PTPRD: variants seen among roughly 807,000 people sequenced by gnomAD.
PTPRD encodes protein tyrosine phosphatase receptor type D.
Under a neutral mutation model 214.5 loss-of-function variants are expected in PTPRD, and 34 were observed. The ratio of observed to expected loss-of-function variants is 0.16; its 90% CI spans 0.12 to 0.21. The LOEUF (loss-of-function observed/expected upper bound fraction) is 0.21. PTPRD is among the 10% of genes least tolerant of loss of function. PTPRD has a pLI of 1.00. For missense variants in PTPRD, 2,545 were observed against 2,398.7 expected (o/e 1.06, Z -1.27); for synonymous variants, 1,128 against 845.7 (o/e 1.33, Z -5.79).
At chr9:9,076,434 C>G (rs1242099759) in intron 10 of PTPRD, among the ~76,000 whole-genome samples, 1 of 151,800 alleles carries the variant, frequency 6.6e-6, no homozygotes, top group East Asian at 1.9e-4. Flanking sequence ...TAACCGTCCC[C>G]TTTGCTCCCC....
intron 7 of PTPRD, among the ~76,000 whole-genome samples, chr9:9,585,742 C>A (rs993141615): frequency 1.3e-5 from 2 of 152,084 alleles, no homozygotes; most frequent in African/African-American, 4.8e-5. Flanking sequence ...GATGTGAATA[C>A]GTAGGTACTA....
At chr9:8,652,831 C>A (rs60836031) in intron 12 of PTPRD, among the ~76,000 whole-genome samples, 13,234 of 152,122 alleles carry the variant, frequency 0.087, 691 homozygotes, top group East Asian at 0.18. Context: ...TATGCCAGGT[C>A]ACACACATGA....
chr9:10,311,122 T>G (rs992951690), intron 3 of PTPRD, among the ~76,000 whole-genome samples: 1 of 151,970 alleles, frequency 6.6e-6, no homozygotes, highest in Non-Finnish European at 1.5e-5. Context: ...GCTTTACATG[T>G]GGTATGCAAT....
chr9:8,587,618 A>T (rs1460232906), intron 14 of PTPRD, among the ~76,000 whole-genome samples: 2 of 152,230 alleles, frequency 1.3e-5, no homozygotes, highest in Non-Finnish European at 2.9e-5. Flanking sequence ...AATCAAATTA[A>T]GTTCAACAGA....
rs373225783 is a variant in PTPRD at position 8,430,189 on chromosome 9, T to G, written c.4086+6403A>C. Among the ~76,000 whole-genome samples, 22 of 152,314 alleles carry G rather than the reference T, an allele frequency of 1.4e-4. 1 individual carries two copies. The South Asian group carries it at 3.7e-3, about 26-fold the overall frequency. On this transcript the variant is annotated intron_variant, in intron 35 of 45. Transcript: ENST00000381196. ...AGAAAACTGTACCTTGAGGACCACA[T>G]TGGGAACTAGTTTTACATTTTCTCT...
Position 9,498,752 on chromosome 9 carries a change from C to T in PTPRD, c.-237+75980G>A, listed in dbSNP as rs77588795. 6.6e-5 allele frequency among the ~76,000 whole-genome samples: 10 copies of T among 152,086 alleles called. No individual in the cohort carries two copies. In the East Asian group the frequency reaches 1.9e-3, roughly 29 times the overall value. ...AATGCTGTACAAATAGAACAATGAA[C>T]ATAGGCACACTAAAATCTAGTGAAT... On this transcript the variant is annotated intron_variant, in intron 8 of 45. Coordinates refer to ENST00000381196, the MANE Select transcript of PTPRD (RefSeq NM_002839.4).
At chr9:9,659,466 G>T (rs183928817) in intron 7 of PTPRD, among the ~76,000 whole-genome samples, 129 of 152,010 alleles carry the variant, frequency 8.5e-4, no homozygotes, top group African/African-American at 3.0e-3. Context: ...AAACCTTAAC[G>T]CCAGGGCTAT....
intron 3 of PTPRD, among the ~76,000 whole-genome samples, chr9:10,035,505 C>T (rs1435355309): frequency 6.6e-6 from 1 of 152,104 alleles, no homozygotes; most frequent in East Asian, 1.9e-4. Context: ...GAAATCTTTG[C>T]CCACGCCTAT....
At chr9:9,026,677 A>G (rs2099588307) in intron 10 of PTPRD, among the ~76,000 whole-genome samples, 1 of 151,912 alleles carries the variant, frequency 6.6e-6, no homozygotes, top group Non-Finnish European at 1.5e-5. Flanking sequence ...GGTATTTGCC[A>G]GTTTTCTGCA....
At chr9:9,137,603 T>C (rs1226465975) in intron 10 of PTPRD, among the ~76,000 whole-genome samples, 2 of 152,164 alleles carry the variant, frequency 1.3e-5, no homozygotes, top group Non-Finnish European at 2.9e-5. Flanking sequence ...TTATGAAATG[T>C]GTTGAACAAG....
intron 6 of PTPRD, among the ~76,000 whole-genome samples, chr9:9,748,238 A>G (rs1384093361): frequency 6.6e-6 from 1 of 152,142 alleles, no homozygotes; most frequent in Non-Finnish European, 1.5e-5. Context: ...ACTTTTTATT[A>G]CTTCTATGTC....
chr9:8,471,271 A>T (rs1287855472), intron 30 of PTPRD, among the ~76,000 whole-genome samples, 186 bp from the exon 31 acceptor site: 1 of 152,100 alleles, frequency 6.6e-6, no homozygotes, highest in African/African-American at 2.4e-5. Context: ...ACGGGAAGAC[A>T]TTTATGTGTG....
chr9:9,259,993 C>T (rs1169463484), intron 9 of PTPRD, among the ~76,000 whole-genome samples: 1 of 151,852 alleles, frequency 6.6e-6, no homozygotes, highest in Non-Finnish European at 1.5e-5. Context: ...CTCAAGTAAC[C>T]TGATATTTGC....
chr9:10,037,472 C>G (rs2097206113), intron 3 of PTPRD, among the ~76,000 whole-genome samples: 1 of 151,750 alleles, frequency 6.6e-6, no homozygotes. Flanking sequence ...TGAGTAAAAG[C>G]TCCCTGAGGG....
At chr9:9,764,453 C>A (rs923940692) in intron 6 of PTPRD, among the ~76,000 whole-genome samples, 3 of 152,038 alleles carry the variant, frequency 2.0e-5, no homozygotes, top group African/African-American at 7.2e-5. Flanking sequence ...GAGTGCCCAC[C>A]TAAAAAGATA....
At chr9:9,927,575 T>G (rs1411084684) in intron 5 of PTPRD, among the ~76,000 whole-genome samples, 1 of 152,160 alleles carries the variant, frequency 6.6e-6, no homozygotes, top group Non-Finnish European at 1.5e-5. Context: ...TTTTAGCACC[T>G]AACACTAATA....
intron 10 of PTPRD, among the ~76,000 whole-genome samples, chr9:9,168,750 C>T (rs1310206064): frequency 6.6e-6 from 1 of 151,958 alleles, no homozygotes; most frequent in Non-Finnish European, 1.5e-5. Context: ...AATAATAATT[C>T]TATTTTCAAC....
intron 19 of PTPRD, among the ~76,000 whole-genome samples, chr9:8,522,849 A>G (rs56351854): frequency 0.021 from 3,202 of 152,266 alleles, 46 homozygotes; most frequent in Middle Eastern, 0.031. Flanking sequence ...AGATTTTTTA[A>G]AAATTATAAA....
intron 11 of PTPRD, among the ~76,000 whole-genome samples, chr9:8,806,120 T>A (rs1286292661): frequency 6.6e-6 from 1 of 151,696 alleles, no homozygotes. Context: ...AGACGGGGTT[T>A]CATCATGTTG....
Sources: allele counts gnomAD v4.1 joint callset (sites outside exome capture counted in the v4.1 genomes callset), GRCh38; gene constraint gnomAD v4.1.1; transcripts MANE v1.5; gene names NCBI Gene and HGNC (gene_info 2026-07-23, HGNC 2026-07-21).